Variants in ZNF566 observed in about 807,000 individuals in gnomAD.
ZNF566 encodes the protein zinc finger protein 566.
A neutral mutation model predicts 32.8 loss-of-function variants in ZNF566; 27 were observed. That is an observed-to-expected ratio of 0.82 (90% confidence interval 0.61 to 1.14). The LOEUF (loss-of-function observed/expected upper bound fraction) is 1.14, where lower values mean the gene tolerates loss of function less well. ZNF566 is among the 50% of genes most tolerant of loss of function. The pLI is 0.00. For missense variants in ZNF566, 402 were observed against 490.4 expected, an observed-to-expected ratio of 0.82 and a Z score of 1.70; for synonymous variants, 154 against 159.5, an observed-to-expected ratio of 0.97 and a Z score of 0.26.
chr19:36,452,384 C>T (rs1050804454), intron 4 of ZNF566, among the ~76,000 whole-genome samples: 2 of 151,090 alleles, frequency 1.3e-5, no homozygotes, highest in African/African-American at 4.9e-5. Flanking sequence ...GGTCTGAATT[C>T]CAGACTTTTT....
intron 4 of ZNF566, among the ~76,000 whole-genome samples, chr19:36,453,825 C>T (rs974115981): frequency 4.6e-5 from 7 of 151,364 alleles, no homozygotes; most frequent in Non-Finnish European, 7.4e-5. Context: ...GCCACCACAC[C>T]TGGTTAATCT....
At chr19:36,467,631 A>G (rs970772821) in intron 4 of ZNF566, among the ~76,000 whole-genome samples, 1 of 149,706 alleles carries the variant, frequency 6.7e-6, no homozygotes, top group African/African-American at 2.5e-5. Context: ...TCTCTACAAA[A>G]AATATAAAAA....
chr19:36,484,632 C>A, intron 1 of ZNF566, among the ~76,000 whole-genome samples: 1 of 148,894 alleles, frequency 6.7e-6, no homozygotes, highest in African/African-American at 2.5e-5. Context: ...CTCTGTCACC[C>A]AGGCTGGGGT....
intron 4 of ZNF566, among the ~76,000 whole-genome samples, chr19:36,451,319 G>C (rs1434448675): frequency 6.6e-6 from 1 of 152,194 alleles, no homozygotes; most frequent in Non-Finnish European, 1.5e-5. Context: ...ATGAGTGGTA[G>C]ATAGGACTCA....
chr19:36,478,570 C>T lies in ZNF566; in HGVS notation c.-59-1954G>A, dbSNP rs543798452. On this transcript the variant is annotated intron_variant, in intron 1 of 4. Coordinates refer to ENST00000452939, the MANE Select transcript of ZNF566 (RefSeq NM_001145344.1). The stretch of plus-strand genomic sequence containing the variant: ...GGCAGCCTCCCATGCTGAATTCTTA[C>T]ATCAGGGGATCTGCTCCTCTCTTTT... Among the ~76,000 whole-genome samples, 18 of 149,678 alleles carry T rather than the reference C, an allele frequency of 1.2e-4. No individual in the cohort carries two copies. The South Asian group carries it at 3.6e-3, about 30-fold the overall frequency.
chr19:36,467,525 G>A (rs1250963712), intron 4 of ZNF566, among the ~76,000 whole-genome samples: 3 of 150,852 alleles, frequency 2.0e-5, no homozygotes, highest in Admixed American at 6.6e-5. Flanking sequence ...GGCCGGGCAC[G>A]GTGGCTCAAG....
At position 36,449,472 on chromosome 19, in the gene ZNF566, G is replaced by A. The variant is rs2033085886; in HGVS notation, c.762C>T (p.Pro254=). 1 of 1,613,956 alleles carries A rather than the reference G, an allele frequency of 6.2e-7. No homozygotes were observed. The highest frequency in any genetic ancestry group is 1.3e-5 in the African/African-American group (1 of 74,908). ...RHHRIHTGEK[P]YECKECGKAF... is the part of the protein sequence containing the mutation. ...CTTTCCCACATTCCTTACATTCATA[G>A]GGTTTCTCACCAGTGTGAATTCTGT... Residue 254 remains proline (P), a synonymous_variant, in exon 5 of 5, where the codon CCC becomes CCT. Transcript: ENST00000452939.
At chr19:36,450,166 A>G (rs2033116165) in intron 4 of ZNF566, among the ~76,000 whole-genome samples, 165 bp from the exon 5 acceptor site, 1 of 152,326 alleles carries the variant, frequency 6.6e-6, no homozygotes, top group South Asian at 2.1e-4. Context: ...GATTAGGAAA[A>G]CAAAGTAAGT....
intron 3 of ZNF566, 43 bp downstream of exon 3, chr19:36,473,289 T>C: frequency 6.2e-7 from 1 of 1,611,690 alleles, no homozygotes; most frequent in South Asian, 1.1e-5. Context: ...GAAGTAGGCC[T>C]TCCAAGGGCA....
chr19:36,458,002 G>A (rs2033361341), intron 4 of ZNF566, among the ~76,000 whole-genome samples: 1 of 152,152 alleles, frequency 6.6e-6, no homozygotes, highest in Admixed American at 6.6e-5. Flanking sequence ...GGGAATCCTT[G>A]GACACTGTTG....
intron 4 of ZNF566, among the ~76,000 whole-genome samples, chr19:36,463,691 C>A (rs148996942): frequency 6.7e-6 from 1 of 150,076 alleles, no homozygotes; most frequent in Non-Finnish European, 1.5e-5. Flanking sequence ...AACAGGTGTG[C>A]GCCACCACAC....
chr19:36,477,097 G>A (rs571748679), intron 1 of ZNF566, among the ~76,000 whole-genome samples: 26 of 151,904 alleles, frequency 1.7e-4, no homozygotes, highest in East Asian at 7.8e-4. Context: ...TGCAACCTCC[G>A]CGTCCTGGGT....
rs2033033931 is a variant in ZNF566, at chr19:36,447,811, A to G, written c.*1166T>C. ...AATAGTAAGTACATGATGATGGGAA[A>G]TTTTCTTAACTTGTTACCTTCAAAG... On this transcript the variant is annotated 3_prime_UTR_variant, in exon 5 of 5. Coordinates refer to ENST00000452939, the MANE Select transcript of ZNF566 (RefSeq NM_001145344.1). The G allele has an allele frequency of 6.6e-6, 1 of 152,106 alleles. No homozygotes were observed. The highest frequency in any genetic ancestry group is 2.4e-5 in the African/African-American group (1 of 41,428). The allele number at this position is 152,106 out of a possible 1,614,324, so 9.4% of individuals were successfully genotyped here.
chr19:36,474,748 A>C (rs2033844650), intron 2 of ZNF566, among the ~76,000 whole-genome samples: 1 of 152,232 alleles, frequency 6.6e-6, no homozygotes, highest in Non-Finnish European at 1.5e-5. Context: ...TTAAATTTGC[A>C]TATAATTTAA....
intron 1 of ZNF566, among the ~76,000 whole-genome samples, chr19:36,476,977 CA>C (rs1219296773): frequency 6.6e-6 from 1 of 152,114 alleles, no homozygotes; most frequent in African/African-American, 2.4e-5. Flanking sequence ...TTAATAGCTA[CA>C]TTGCAGTCCA....
chr19:36,471,767 G>A (rs1394995232), intron 4 of ZNF566, among the ~76,000 whole-genome samples: 3 of 151,816 alleles, frequency 2.0e-5, no homozygotes, highest in African/African-American at 7.3e-5. Context: ...TTTTTTGAGA[G>A]AGTCTCTCTC....
At chr19:36,469,426 C>G (rs1034692346) in intron 4 of ZNF566, among the ~76,000 whole-genome samples, 6 of 151,874 alleles carry the variant, frequency 4.0e-5, no homozygotes, top group Non-Finnish European at 8.8e-5. Flanking sequence ...TGTAATCCCA[C>G]CTACTCGGGA....
intron 1 of ZNF566, among the ~76,000 whole-genome samples, chr19:36,484,135 A>G (rs2034099619): frequency 6.6e-6 from 1 of 152,196 alleles, no homozygotes; most frequent in Non-Finnish European, 1.5e-5. Flanking sequence ...CGGCTTCCCA[A>G]TGTGCTGAGA....
Position 36,449,956 on chromosome 19 carries a change from T to C in ZNF566, c.278A>G (p.Glu93Gly). ...CTGGGTTGATTCTATTTCATAAATT[T>C]CTTTCTTCAGAAATAATTTCTTGGT... ...CETKKLFLKK[E>G]IYEIESTQWE... Residue 93 changes from glutamate to glycine, a missense_variant, in exon 5 of 5, where the codon GAA (glutamate) becomes GGA (glycine). Coordinates refer to ENST00000452939, the MANE Select transcript of ZNF566 (RefSeq NM_001145344.1). The C allele has an allele frequency of 6.2e-7, 1 of 1,611,322 alleles. No individual in the cohort carries two copies. The highest frequency in any genetic ancestry group is 8.5e-7 in the Non-Finnish European group (1 of 1,179,322).
Sources: gnomAD v4.1 joint callset for allele counts (sites outside exome capture counted in the v4.1 genomes callset) on GRCh38, gnomAD v4.1.1 for gene constraint, MANE v1.5 for transcripts, NCBI Gene and HGNC (gene_info 2026-07-23, HGNC 2026-07-21) for gene names.